The following CASD1 variants were observed in gnomAD, a reference collection of about 807,000 sequenced individuals.
The protein encoded by CASD1 is CAS1 domain sialic acid O acetyltransferase 1.
CASD1 carries 41 observed loss-of-function variants against 100.0 expected under a neutral mutation model. That is an observed-to-expected ratio of 0.41 (90% CI 0.32 to 0.53). The LOEUF is 0.53. CASD1 is among the 20% of genes least tolerant of loss of function. The pLI is 0.25. For synonymous variants in CASD1, 321 were observed against 315.6 expected, an observed-to-expected ratio of 1.02 and a Z score of -0.18; for missense variants, 774 against 948.7, an observed-to-expected ratio of 0.82 and a Z score of 2.42.
the CASD1 span, chr7:94,600,600 A>G: frequency 1.4e-6 from 2 of 1,387,808 alleles, no homozygotes; most frequent in South Asian, 1.2e-5. Flanking sequence ...CTATGTTGTT[A>G]TCTTAGCAGG....
chr7:94,563,072 T>C, the CASD1 span, among the ~76,000 whole-genome samples: 1 of 152,142 alleles, frequency 6.6e-6, no homozygotes, highest in Non-Finnish European at 1.5e-5. Flanking sequence ...AAGGCCTTTG[T>C]AGAAACAGCA....
intron 8 of CASD1, among the ~76,000 whole-genome samples, chr7:94,535,732 G>A (rs1562941397): frequency 6.6e-6 from 1 of 152,090 alleles, no homozygotes; most frequent in Non-Finnish European, 1.5e-5. Context: ...CTCTAAGAGA[G>A]AAAGAAGTTA....
chr7:94,549,779 C>T, intron 14 of CASD1, 145 bp downstream of exon 14: 1 of 550,982 alleles, frequency 1.8e-6, no homozygotes, highest in South Asian at 2.8e-5. Context: ...TCCACTACCC[C>T]CTGCACTCTT....
intron 12 of CASD1, among the ~76,000 whole-genome samples, chr7:94,546,850 A>G (rs987467499): frequency 6.6e-6 from 1 of 151,862 alleles, no homozygotes; most frequent in African/African-American, 2.4e-5. Flanking sequence ...TACATTTCTA[A>G]TGGATGAACA....
the CASD1 span, among the ~76,000 whole-genome samples, chr7:94,583,687 A>G: frequency 6.6e-6 from 1 of 152,154 alleles, no homozygotes; most frequent in Non-Finnish European, 1.5e-5. Flanking sequence ...CTGAAAATGT[A>G]CAGAACCACT....
chr7:94,621,024 C>T, the CASD1 span: 1 of 152,274 alleles, frequency 6.6e-6, no homozygotes, highest in Non-Finnish European at 1.5e-5. Flanking sequence ...TTTATGTACT[C>T]TCCTTGAGCT....
At chr7:94,580,954 A>G in the CASD1 span, among the ~76,000 whole-genome samples, 7 of 152,176 alleles carry the variant, frequency 4.6e-5, no homozygotes, top group Admixed American at 1.3e-4. Flanking sequence ...TCAATTAACC[A>G]TAGTCCATGG....
chr7:94,625,129 A>G, the CASD1 span: 3 of 152,114 alleles, frequency 2.0e-5, no homozygotes, highest in African/African-American at 7.2e-5. Flanking sequence ...TGATTCCCCA[A>G]TTTCTAAAAC....
In CASD1 at chr7:94,510,294, C is replaced by T. The variant is rs550300620; in HGVS notation, c.133+77C>T. 278 of 1,125,676 alleles carry T rather than the reference C, an allele frequency of 2.5e-4. 2 individuals carry two copies. The African/African-American group carries it at 3.8e-3, about 16-fold the overall frequency. The allele number at this position is 1,125,676 out of a possible 1,614,324, so 69.7% of individuals were successfully genotyped here. A position where few individuals can be genotyped will look rare whatever the true frequency, so the allele number is the denominator to read the frequency against. On this transcript the variant is annotated intron_variant, in intron 1 of 17. Coordinates refer to ENST00000297273, the MANE Select transcript of CASD1 (RefSeq NM_022900.5). ...CGGCGGCTGGAGGCCGCCCCCATCG[C>T]CCAACACACGCCCACGCGGCCTTCC...
intron 12 of CASD1, 84 bp from the exon 13 acceptor site, chr7:94,547,011 CA>C (rs1255996144): frequency 1.3e-6 from 1 of 757,560 alleles, no homozygotes; most frequent in Non-Finnish European, 2.1e-6. Context: ...AACTATTCAG[CA>C]TGTACATATA....
At chr7:94,553,905 C>G (rs1176670469) in intron 16 of CASD1, 1 of 151,816 alleles carries the variant, frequency 6.6e-6, no homozygotes, top group Non-Finnish European at 1.5e-5. Context: ...GGCCAGGATC[C>G]CAAAAGCTGG....
chr7:94,534,230 G>A (rs944414974), intron 7 of CASD1, among the ~76,000 whole-genome samples: 7 of 137,404 alleles, frequency 5.1e-5, no homozygotes, highest in African/African-American at 1.7e-4. Context: ...GCAGTAGCAC[G>A]ATCTTGGCTC....
intron 3 of CASD1, among the ~76,000 whole-genome samples, chr7:94,521,779 T>G (rs1175007289): frequency 6.6e-6 from 1 of 152,108 alleles, no homozygotes; most frequent in African/African-American, 2.4e-5. Flanking sequence ...GTGGCAGGGA[T>G]AGAAATTAAA....
At chr7:94,603,698 C>T in the CASD1 span, among the ~76,000 whole-genome samples, 1 of 152,036 alleles carries the variant, frequency 6.6e-6, no homozygotes, top group Non-Finnish European at 1.5e-5. Flanking sequence ...ATGTTAATTT[C>T]TAAAAACTTT....
the CASD1 span, among the ~76,000 whole-genome samples, chr7:94,583,581 G>A: frequency 6.6e-6 from 1 of 152,184 alleles, no homozygotes; most frequent in African/African-American, 2.4e-5. Context: ...CTCAAAGAGA[G>A]GCTGTCATGT....
intron 1 of CASD1, among the ~76,000 whole-genome samples, chr7:94,514,775 T>TTGTG (rs374520322): frequency 1.3e-5 from 2 of 151,656 alleles, no homozygotes; most frequent in Non-Finnish European, 3.0e-5. Context: ...CTTAGTTTCT[T>TTGTG]TGTGTGTGTG....
the CASD1 span, among the ~76,000 whole-genome samples, chr7:94,615,409 GATAGATAGATAGATAA>G: frequency 8.3e-4 from 121 of 146,200 alleles, no homozygotes; most frequent in Admixed American, 1.4e-3. Context: ...TAGATAGATA[GATAGATAGATAGATAA>G]AGGGCAATTC....
the CASD1 span, among the ~76,000 whole-genome samples, chr7:94,568,146 A>C: frequency 6.6e-6 from 1 of 152,202 alleles, no homozygotes; most frequent in African/African-American, 2.4e-5. Context: ...ATATATTAGA[A>C]AGCCTCTCTA....
intron 7 of CASD1, 62 bp from the exon 8 acceptor site, chr7:94,535,247 A>G (rs1795063075): frequency 1.8e-5 from 23 of 1,251,032 alleles, no homozygotes; most frequent in Non-Finnish European, 2.7e-5. Context: ...AACTTGCATG[A>G]TCACAATTTT....
Sources: allele counts gnomAD v4.1 joint callset (sites outside exome capture counted in the v4.1 genomes callset), GRCh38; gene constraint gnomAD v4.1.1; transcripts MANE v1.5; gene names NCBI Gene and HGNC (gene_info 2026-07-23, HGNC 2026-07-21).